UBE3A: variants seen among roughly 807,000 people sequenced by gnomAD.
UBE3A encodes the protein ubiquitin protein ligase E3A.
In UBE3A, 6 loss-of-function variants were observed where a neutral mutation model predicts 83.4. The observed-to-expected ratio is 0.07, with a 90% CI of 0.04 to 0.14. The LOEUF is 0.14. UBE3A is among the 10% of genes least tolerant of loss of function. The probability of loss-of-function intolerance (pLI) is 1.00; values close to 1 mark genes in which losing one functional copy is unlikely to be tolerated. For missense variants in UBE3A, 456 were observed against 1,036.1 expected (o/e 0.44, Z 7.69); for synonymous variants, 337 against 355.4 (o/e 0.95, Z 0.58).
In UBE3A at chr15:25,370,819, T is replaced by C; in HGVS notation, c.1355A>G (p.Asn452Ser). 6.2e-7 allele frequency: 1 copy of C among 1,614,136 alleles called. No homozygotes were observed. The highest frequency in any genetic ancestry group is 8.5e-7 in the Non-Finnish European group (1 of 1,179,982). ...PFEEFINEPL[N>S]EVLEMDKDYT... Reference sequence around the variant, plus strand: ...ATCTTTATCCATTTCTAGAACCTCATTCAGTGGTTCATTAATAAACTCTTC... The same window carrying C: ...ATCTTTATCCATTTCTAGAACCTCACTCAGTGGTTCATTAATAAACTCTTC... The change falls in exon 6 of 13, where the codon AAT (asparagine) becomes AGT (serine). Residue 452 changes from asparagine to serine, a missense_variant. This residue lies in a region of UBE3A where 58 missense variants were observed against 237.1 expected (regional missense o/e 0.24). Transcript: ENST00000648336. The surrounding 1 kb of genome is among the most constrained non-coding windows in gnomAD (Gnocchi z 4.2).
intron 4 of UBE3A, among the ~76,000 whole-genome samples, chr15:25,398,510 G>T (rs1226601796): frequency 2.6e-4 from 40 of 151,806 alleles, no homozygotes; most frequent in Non-Finnish European, 2.9e-5. Context: ...CCTGAGTTAA[G>T]ATTCCACATT....
At chr15:25,436,058 G>C (rs950360020) in intron 1 of UBE3A, among the ~76,000 whole-genome samples, 1 of 152,082 alleles carries the variant, frequency 6.6e-6, no homozygotes, top group Non-Finnish European at 1.5e-5. Flanking sequence ...GATTAATAAG[G>C]CCAGAATTAA....
At chr15:25,346,257 G>C (rs958533826) in intron 11 of UBE3A, 1 of 152,400 alleles carries the variant, frequency 6.6e-6, no homozygotes, top group Non-Finnish European at 1.5e-5. Flanking sequence ...GCCTGGAGAA[G>C]GCCCCTCAAG....
chr15:25,341,759 CAAA>C (rs760767983), intron 11 of UBE3A, among the ~76,000 whole-genome samples: 6 of 28,178 alleles, frequency 2.1e-4, no homozygotes, highest in Non-Finnish European at 4.5e-4. Flanking sequence ...TGAGCCATCT[CAAA>C]AAAAAAAAAA....
chr15:25,341,989 T>C (rs926597179), intron 11 of UBE3A, among the ~76,000 whole-genome samples: 7 of 152,082 alleles, frequency 4.6e-5, no homozygotes, highest in African/African-American at 1.4e-4. Context: ...CTCCAATCTC[T>C]TGCCACTTCC....
intron 7 of UBE3A, chr15:25,357,714 A>AT (rs1327357088): frequency 3.3e-5 from 5 of 152,102 alleles, no homozygotes; most frequent in African/African-American, 1.2e-4. Context: ...GTGCCATGAA[A>AT]TTTTTCTAGC....
Position 25,335,859 on chromosome 15 carries a change from G to A in UBE3A, c.*3278C>T, listed in dbSNP as rs955722078. The A allele has an allele frequency of 6.6e-6, 1 of 152,074 alleles. No homozygotes were observed. Among genetic ancestry groups the A allele is most frequent in the Non-Finnish European group, 1.5e-5 (1 of 68,038 alleles). 9.4% of individuals were successfully genotyped at this position (152,074 alleles called of 1,614,324 possible). On this transcript the variant is annotated 3_prime_UTR_variant, in exon 13 of 13. Transcript: ENST00000648336. ...TGGAGGAGTATCCATCTAAAATCTG[G>A]GTAAACTGGGATGGAAAAACAAGTA...
chr15:25,365,097 A>T (rs931938836), intron 6 of UBE3A, among the ~76,000 whole-genome samples: 4 of 151,678 alleles, frequency 2.6e-5, no homozygotes, highest in East Asian at 1.9e-4. Flanking sequence ...CTTCTTTAAG[A>T]CTCTTGATTT....
Position 25,360,306 on chromosome 15 carries a change from T to C in UBE3A, c.1753+77A>G, listed in dbSNP as rs1316104343. On this transcript the variant is annotated intron_variant, in intron 7 of 12. Transcript: ENST00000648336. ...TTTTGCTGCTCTTCATAGCTGAAAA[T>C]ATTTACAAAGTAAGATAAACAAATA... The C allele has an allele frequency of 1.9e-5, 31 of 1,592,298 alleles. No homozygotes were observed. In the Admixed American group the frequency reaches 4.5e-4, roughly 23 times the overall value.
chr15:25,362,805 C>A (rs2078337141), intron 6 of UBE3A, among the ~76,000 whole-genome samples: 1 of 152,150 alleles, frequency 6.6e-6, no homozygotes, highest in Non-Finnish European at 1.5e-5. Flanking sequence ...CAGTTCCCAA[C>A]TGGCTAGGTG....
rs1233714419 is a variant in UBE3A, at chr15:25,354,724, T to C, written c.2125-41A>G. 4 of 1,573,878 alleles carry C rather than the reference T, an allele frequency of 2.5e-6. No homozygotes were observed. In the African/African-American group the frequency reaches 4.0e-5, roughly 16 times the overall value. ...ATCACAAGAACTTCTTATAATATGC[T>C]ATGCAAACAAAACACAAGTTATTGG... On this transcript the variant is annotated intron_variant, in intron 9 of 12. Coordinates refer to ENST00000648336, the MANE Select transcript of UBE3A (RefSeq NM_130839.5).
intron 4 of UBE3A, among the ~76,000 whole-genome samples, chr15:25,377,970 GA>G (rs928647639): frequency 2.0e-5 from 3 of 149,592 alleles, no homozygotes; most frequent in African/African-American, 4.9e-5. Flanking sequence ...TGGATGATGT[GA>G]TTAAGTGAGT....
At chr15:25,421,278 A>T (rs1889704019) in intron 1 of UBE3A, among the ~76,000 whole-genome samples, 1 of 151,952 alleles carries the variant, frequency 6.6e-6, no homozygotes, top group Non-Finnish European at 1.5e-5. Context: ...CCATGAGTAA[A>T]CTCACCATGA....
Position 25,338,943 on chromosome 15 carries a change from T to C in UBE3A, c.*194A>G, listed in dbSNP as rs2074252663. ...TCATATATGTAGCTGAAATCTGCTG[T>C]TCCAGCCCACATGTCCCCAATAAAG... is the stretch of plus-strand genomic sequence containing the variant. On this transcript the variant is annotated 3_prime_UTR_variant, in exon 13 of 13. Transcript: ENST00000648336. The C allele has an allele frequency of 1.7e-5, 7 of 409,432 alleles. No homozygotes were observed. In the South Asian group the frequency reaches 3.7e-4, roughly 22 times the overall value. The allele number at this position is 409,432 out of a possible 1,614,324, so 25.4% of individuals were successfully genotyped here.
intron 6 of UBE3A, 114 bp from the exon 7 acceptor site, chr15:25,360,641 A>T (rs2077910938): frequency 1.6e-6 from 2 of 1,219,268 alleles, no homozygotes; most frequent in Non-Finnish European, 2.3e-6. Context: ...GACTTTTTGT[A>T]TGTAAATGGA....
intron 4 of UBE3A, among the ~76,000 whole-genome samples, chr15:25,382,813 T>C (rs1437757173): frequency 6.6e-6 from 1 of 152,120 alleles, no homozygotes; most frequent in African/African-American, 2.4e-5. Context: ...AAAAGACTAA[T>C]ATGAACAACT....
intron 4 of UBE3A, among the ~76,000 whole-genome samples, chr15:25,381,246 C>T (rs12904063): frequency 0.38 from 57,363 of 151,970 alleles, 14,259 homozygotes; most frequent in African/African-American, 0.72. Flanking sequence ...CATGTGATAT[C>T]TGTCTTTCCG....
In UBE3A at chr15:25,371,610, ATCTTCATCTTTG is replaced by A. The variant is rs774363647; in HGVS notation, c.552_563del (p.Lys185_Asp188del). 6.2e-7 allele frequency: 1 copy of A among 1,613,820 alleles called. No individual in the cohort carries two copies. Among genetic ancestry groups the A allele is most frequent in the African/African-American group, 1.3e-5 (1 of 74,844 alleles). ...CAGAACATGCAGCTTTTTCCTTTTC[ATCTTCATCTTTG>A]TCTTCATCTTTTGCTTGAAGAGATT... is the stretch of plus-strand genomic sequence containing the variant. On this transcript the variant is annotated inframe_deletion, in exon 6 of 13. Coordinates refer to ENST00000648336, the MANE Select transcript of UBE3A (RefSeq NM_130839.5). This position sits in a 1 kb window ranked among gnomAD's most constrained non-coding sequence, Gnocchi z 5.3.
chr15:25,376,174 C>T (rs576115001), intron 4 of UBE3A, among the ~76,000 whole-genome samples: 72 of 152,126 alleles, frequency 4.7e-4, no homozygotes, highest in Non-Finnish European at 8.1e-4. Flanking sequence ...AGCATCAATC[C>T]GGTTTTCTTT....
Sources: gnomAD v4.1 joint callset for allele counts (sites outside exome capture counted in the v4.1 genomes callset) on GRCh38, gnomAD v4.1.1 for gene constraint, gnomAD v4.1.1 regional missense constraint, Gnocchi (gnomAD v3.1) non-coding constraint, MANE v1.5 for transcripts, NCBI Gene and HGNC (gene_info 2026-07-23, HGNC 2026-07-21) for gene names.